SMG6: variants seen among roughly 807,000 people sequenced by gnomAD.
SMG6 encodes the protein SMG6 nonsense mediated mRNA decay factor, also known as telomerase-binding protein EST1A.
Under a neutral mutation model 142.2 loss-of-function variants are expected in SMG6, and 66 were observed. That is an observed-to-expected ratio of 0.46 (90% CI 0.38 to 0.57). SMG6 has a LOEUF of 0.57. SMG6 is among the 20% of genes least tolerant of loss of function. SMG6 has a pLI of 0.00. For missense variants in SMG6, 1,793 were observed against 1,832.0 expected (o/e 0.98, Z 0.39); for synonymous variants, 779 against 702.4 (o/e 1.11, Z -1.72).
chr17:2,143,773 C>T (rs140339245), intron 13 of SMG6, among the ~76,000 whole-genome samples: 29 of 152,246 alleles, frequency 1.9e-4, no homozygotes, highest in African/African-American at 5.8e-4. Flanking sequence ...GGTATTAAAA[C>T]ATCTTCACTC....
In SMG6 at chr17:2,270,507, C is replaced by A. The variant is rs371438922; in HGVS notation, c.2661+12140G>T. Among the ~76,000 whole-genome samples, 3 of 152,210 alleles carry A rather than the reference C, an allele frequency of 2.0e-5. No individual in the cohort carries two copies. The East Asian group carries it at 5.8e-4, about 29-fold the overall frequency. ...CCTGTAGTCCCAGCTACTCAGGAGG[C>A]TGAGGCAGGAAGACCACTTGAGCCT... On this transcript the variant is annotated intron_variant, in intron 8 of 18. Coordinates refer to ENST00000263073, the MANE Select transcript of SMG6 (RefSeq NM_017575.5).
intron 13 of SMG6, among the ~76,000 whole-genome samples, chr17:2,110,810 C>T (rs1012245343): frequency 6.6e-6 from 1 of 152,090 alleles, no homozygotes; most frequent in African/African-American, 2.4e-5. Flanking sequence ...GAGCTCCCAC[C>T]CCAGAGGAAT....
intron 9 of SMG6, among the ~76,000 whole-genome samples, chr17:2,238,591 G>A (rs948903668): frequency 2.0e-5 from 3 of 152,172 alleles, no homozygotes; most frequent in South Asian, 2.1e-4. Context: ...AAGCAGCCAC[G>A]CTGGGCAAGT....
chr17:2,156,010 T>A (rs2070987371), intron 13 of SMG6, among the ~76,000 whole-genome samples: 1 of 151,430 alleles, frequency 6.6e-6, no homozygotes, highest in Admixed American at 6.6e-5. Flanking sequence ...AAAACTGAGC[T>A]GAGCTGCTCT....
intron 10 of SMG6, among the ~76,000 whole-genome samples, chr17:2,206,314 G>C (rs2072679535): frequency 6.6e-6 from 1 of 152,174 alleles, no homozygotes; most frequent in African/African-American, 2.4e-5. Context: ...GCCAGATGCA[G>C]TGGCTCATGC....
chr17:2,187,265 A>C (rs991655932), intron 11 of SMG6, among the ~76,000 whole-genome samples: 3 of 152,346 alleles, frequency 2.0e-5, no homozygotes, highest in Non-Finnish European at 2.9e-5. Context: ...AGGACAAAGA[A>C]AGACAGAAAA....
chr17:2,279,341 G>GT (rs750218982), intron 8 of SMG6, among the ~76,000 whole-genome samples: 1 of 152,216 alleles, frequency 6.6e-6, no homozygotes, highest in African/African-American at 2.4e-5. Context: ...TATGAAAAGT[G>GT]TAAGATTTGA....
At chr17:2,252,190 G>C (rs1001113738) in intron 8 of SMG6, among the ~76,000 whole-genome samples, 1 of 152,196 alleles carries the variant, frequency 6.6e-6, no homozygotes, top group African/African-American at 2.4e-5. Flanking sequence ...GAGGTGGGCA[G>C]ATCACGAGGT....
At chr17:2,231,469 G>A (rs771902526) in intron 10 of SMG6, among the ~76,000 whole-genome samples, 9 of 152,248 alleles carry the variant, frequency 5.9e-5, no homozygotes, top group East Asian at 1.9e-4. Context: ...AGGCCGAGGC[G>A]GACGGATCAC....
intron 8 of SMG6, among the ~76,000 whole-genome samples, chr17:2,261,361 A>C (rs1221735068): frequency 4.6e-5 from 7 of 152,264 alleles, no homozygotes; most frequent in Non-Finnish European, 1.5e-5. Flanking sequence ...CAAGTAAATA[A>C]ACTGCTGGTT....
intron 8 of SMG6, among the ~76,000 whole-genome samples, chr17:2,247,561 G>A (rs963524434): frequency 6.6e-6 from 1 of 152,202 alleles, no homozygotes; most frequent in African/African-American, 2.4e-5. Flanking sequence ...GCCAAGGCAG[G>A]TAGATCATCT....
In SMG6 at chr17:2,061,457, C is replaced by A. The variant is rs77194529; in HGVS notation, c.*35G>T. On this transcript the variant is annotated 3_prime_UTR_variant, in exon 19 of 19. Transcript: ENST00000263073. ...TGGGCGCCTGGTGGCCTTTCAGGAACGGTTCCACGGGGGGGGGGCCCCAGT... is the reference window on the plus strand; with the variant it reads ...TGGGCGCCTGGTGGCCTTTCAGGAAAGGTTCCACGGGGGGGGGGCCCCAGT... 1 of 1,465,946 alleles carries A rather than the reference C, an allele frequency of 6.8e-7. No homozygotes were observed. The highest frequency in any genetic ancestry group is 2.2e-5 in the Admixed American group (1 of 45,006). The allele number at this position is 1,465,946 out of a possible 1,614,324, so 90.8% of individuals were successfully genotyped here. A position where few individuals can be genotyped will look rare whatever the true frequency, so the allele number is the denominator to read the frequency against.
chr17:2,084,427 G>T (rs1415764978), intron 14 of SMG6, among the ~76,000 whole-genome samples: 1 of 152,120 alleles, frequency 6.6e-6, no homozygotes, highest in African/African-American at 2.4e-5. Flanking sequence ...TTTATCCCTG[G>T]AACCACCTCT....
intron 10 of SMG6, among the ~76,000 whole-genome samples, chr17:2,204,628 G>T (rs1055813721): frequency 2.0e-5 from 3 of 152,202 alleles, no homozygotes; most frequent in Non-Finnish European, 4.4e-5. Context: ...GTGCCAGCTA[G>T]TCTCCTGACC....
chr17:2,172,513 C>T (rs2071535976), intron 13 of SMG6, 145 bp downstream of exon 13: 4 of 790,462 alleles, frequency 5.1e-6, no homozygotes, highest in Admixed American at 2.8e-5. Context: ...TGGATGTCAG[C>T]GGCTAAAAGG....
intron 8 of SMG6, among the ~76,000 whole-genome samples, chr17:2,248,105 C>T (rs2073963835): frequency 6.6e-6 from 1 of 152,000 alleles, no homozygotes; most frequent in African/African-American, 2.4e-5. Flanking sequence ...GACTCTATCT[C>T]AAAAAATAAA....
At chr17:2,244,052 A>G (rs1379315406) in intron 9 of SMG6, among the ~76,000 whole-genome samples, 2 of 152,170 alleles carry the variant, frequency 1.3e-5, no homozygotes, top group Non-Finnish European at 2.9e-5. Context: ...TCAAAACTCG[A>G]TCTGTTTCCA....
chr17:2,117,059 A>G (rs1470001901), intron 13 of SMG6, among the ~76,000 whole-genome samples: 1 of 151,954 alleles, frequency 6.6e-6, no homozygotes, highest in Non-Finnish European at 1.5e-5. Flanking sequence ...AAAAATCACA[A>G]TGAAATACTT....
At chr17:2,294,428 T>C (rs2075103212) in intron 4 of SMG6, among the ~76,000 whole-genome samples, 2 of 152,230 alleles carry the variant, frequency 1.3e-5, no homozygotes, top group African/African-American at 2.4e-5. Flanking sequence ...CATGAAGTCC[T>C]GGACGATTGA....
Sources: allele counts gnomAD v4.1 joint callset (sites outside exome capture counted in the v4.1 genomes callset), GRCh38; gene constraint gnomAD v4.1.1; transcripts MANE v1.5; gene names NCBI Gene and HGNC (gene_info 2026-07-23, HGNC 2026-07-21).